MET: variants seen among roughly 807,000 people sequenced by gnomAD.
MET encodes MET proto-oncogene, receptor tyrosine kinase, also known as hepatocyte growth factor receptor.
MET carries 48 observed loss-of-function variants against 133.1 expected under a neutral mutation model. The ratio of observed to expected loss-of-function variants is 0.36; its 90% CI spans 0.29 to 0.46. The LOEUF (loss-of-function observed/expected upper bound fraction) is 0.46. Ranked by LOEUF, MET falls within the 20% of genes least tolerant of loss-of-function variation. The pLI, the probability that MET is intolerant of heterozygous loss-of-function variation, is 1.00. For synonymous variants in MET, 628 were observed against 616.5 expected (o/e 1.02, Z -0.28); for missense variants, 1,442 against 1,695.9 (o/e 0.85, Z 2.63).
At chr7:116,722,947 A>G (rs1288541247) in intron 2 of MET, among the ~76,000 whole-genome samples, 1 of 147,792 alleles carries the variant, frequency 6.8e-6, no homozygotes, top group Non-Finnish European at 1.5e-5. Context: ...GGTGAATCTG[A>G]CAATTATGTG....
At position 116,741,000 on chromosome 7, in the gene MET, A is replaced by G. The variant is rs45460604; in HGVS notation, c.1676A>G (p.Gln559Arg). The change falls in exon 5 of 21, where the codon CAG becomes CGG. Residue 559 changes from glutamine (Q) to arginine (R), a missense_variant. Gln to Arg is a conservative substitution (Grantham distance 43). This residue lies in a region of MET where 762 missense variants were observed against 792.4 expected (regional missense o/e 0.96). Coordinates refer to ENST00000397752, the MANE Select transcript of MET (RefSeq NM_000245.4). The part of the protein sequence containing the change: ...EECLSGTWTQ[Q>R]ICLPAIYKVF... ...TGCCTGAGCGGGACATGGACTCAAC[A>G]GATCTGTCTGCCTGCAATCTACAAG... 3.1e-6 allele frequency: 5 copies of G among 1,613,106 alleles called. No homozygotes were observed. The highest frequency in any genetic ancestry group is 3.4e-6 in the Non-Finnish European group (4 of 1,179,944).
chr7:116,682,465 G>A (rs1465840199), intron 1 of MET, among the ~76,000 whole-genome samples: 3 of 152,084 alleles, frequency 2.0e-5, no homozygotes, highest in Admixed American at 6.5e-5. Flanking sequence ...GTTATTCCTT[G>A]CAGAATTCAA....
At chr7:116,680,662 C>T (rs1283618504) in intron 1 of MET, among the ~76,000 whole-genome samples, 1 of 152,020 alleles carries the variant, frequency 6.6e-6, no homozygotes, top group Non-Finnish European at 1.5e-5. Flanking sequence ...GGTGTATAGG[C>T]CAGGCACAGT....
chr7:116,763,161 A>T lies in MET; in HGVS notation c.2476A>T (p.Ile826Phe). Residue 826 changes from isoleucine to phenylalanine, a missense_variant, in exon 11 of 21, where the codon ATC becomes TTC. By Grantham distance (21) the Ile-to-Phe change is conservative. Coordinates refer to ENST00000397752, the MANE Select transcript of MET (RefSeq NM_000245.4). ...KTKAFFMLDG[I>F]LSKYFDLIYV... ...CAAAGCCTTTTTCATGTTAGATGGGATCCTTTCCAAATACTTTGATCTCAT... is the reference window on the plus strand; with the variant it reads ...CAAAGCCTTTTTCATGTTAGATGGGTTCCTTTCCAAATACTTTGATCTCAT... 1 of 1,614,036 alleles carries T rather than the reference A, an allele frequency of 6.2e-7. No individual in the cohort carries two copies. The highest frequency in any genetic ancestry group is 2.2e-5 in the East Asian group (1 of 44,862).
At chr7:116,757,850 T>G (rs540681294) in intron 8 of MET, 76 bp downstream of exon 8, 3 of 1,501,384 alleles carry the variant, frequency 2.0e-6, no homozygotes, top group South Asian at 1.1e-5. Flanking sequence ...GCAGATTGTT[T>G]TGTGTGTGTG....
intron 3 of MET, among the ~76,000 whole-genome samples, chr7:116,737,357 A>G (rs1793256449): frequency 6.6e-6 from 1 of 152,218 alleles, no homozygotes; most frequent in Non-Finnish European, 1.5e-5. Flanking sequence ...TTACTGAAAC[A>G]CGGAGTAACT....
chr7:116,712,877 G>A (rs886080901), intron 2 of MET, among the ~76,000 whole-genome samples: 3 of 152,206 alleles, frequency 2.0e-5, no homozygotes, highest in African/African-American at 4.8e-5. Context: ...AGGAGAAAGA[G>A]GGAATACTTT....
intron 5 of MET, among the ~76,000 whole-genome samples, chr7:116,743,997 A>T (rs1793561491): frequency 6.6e-6 from 1 of 152,216 alleles, no homozygotes; most frequent in South Asian, 2.1e-4. Flanking sequence ...ATTAACATAA[A>T]CAAAAAGAAC....
At chr7:116,762,343 A>T (rs1210982553) in intron 10 of MET, among the ~76,000 whole-genome samples, 2 of 152,214 alleles carry the variant, frequency 1.3e-5, no homozygotes, top group African/African-American at 2.4e-5. Flanking sequence ...ATAAGTTTGC[A>T]AAGCTCAGTT....
chr7:116,679,965 T>G (rs915705016), intron 1 of MET, among the ~76,000 whole-genome samples: 40 of 152,206 alleles, frequency 2.6e-4, no homozygotes, highest in Admixed American at 2.5e-3. Flanking sequence ...GATACCATAT[T>G]GTGAATTTCT....
chr7:116,769,510 T>C, intron 11 of MET, 135 bp from the exon 12 acceptor site: 1 of 1,073,916 alleles, frequency 9.3e-7, no homozygotes, highest in Non-Finnish European at 1.4e-6. Context: ...CCCATGAAAA[T>C]TAGTATCATA....
At chr7:116,741,303 C>T (rs1793445364) in intron 5 of MET, among the ~76,000 whole-genome samples, 2 of 152,188 alleles carry the variant, frequency 1.3e-5, no homozygotes, top group African/African-American at 2.4e-5. Context: ...CGCTGGGCAG[C>T]TGCTCACCTT....
At chr7:116,769,898 G>T in intron 12 of MET, 107 bp downstream of exon 12, 1 of 1,489,932 alleles carries the variant, frequency 6.7e-7, no homozygotes, top group Admixed American at 1.8e-5. Context: ...GTGGGTTTTG[G>T]CTCATCAACT....
intron 2 of MET, among the ~76,000 whole-genome samples, chr7:116,710,795 T>C (rs1791969198): frequency 1.3e-5 from 2 of 152,184 alleles, no homozygotes; most frequent in South Asian, 2.1e-4. Flanking sequence ...GGTGATAAGA[T>C]AACAATCCAA....
chr7:116,735,291 C>A (rs138369472), intron 3 of MET, among the ~76,000 whole-genome samples: 1 of 152,310 alleles, frequency 6.6e-6, no homozygotes, highest in African/African-American at 2.4e-5. Context: ...TGCCTCTTAA[C>A]TGGACTAGTT....
rs201861645 is a variant in MET, at chr7:116,755,463, C to A, written c.1810C>A (p.Leu604Ile). The A allele has an allele frequency of 6.2e-7, 1 of 1,613,978 alleles. No individual in the cohort carries two copies. The highest frequency in any genetic ancestry group is 2.2e-5 in the East Asian group (1 of 44,878). Residue 604 changes from leucine (L) to isoleucine (I), a missense_variant, in exon 6 of 21, where the codon CTC (leucine) becomes ATC (isoleucine). By Grantham distance (5) the Leu-to-Ile change is conservative. Coordinates refer to ENST00000397752, the MANE Select transcript of MET (RefSeq NM_000245.4). The part of the protein sequence containing the change: ...NKFDLKKTRV[L>I]LGNESCTLTL... ...ATTTGATTTAAAGAAAACTAGAGTT[C>A]TCCTTGGAAATGAGAGCTGCACCTT... is the stretch of plus-strand genomic sequence containing the variant.
Position 116,754,897 on chromosome 7 carries a change from A to G in MET, c.1702-458A>G, listed in dbSNP as rs796872180. Among the ~76,000 whole-genome samples the G allele has an allele frequency of 1.7e-4, 6 of 34,994 alleles. No homozygotes were observed. The Admixed American group carries it at 1.9e-3, about 11-fold the overall frequency. The allele number at this position is 34,994 out of a possible 152,430, so 23.0% of individuals were successfully genotyped here. A position where few individuals can be genotyped will look rare whatever the true frequency, so the allele number is the denominator to read the frequency against. On this transcript the variant is annotated intron_variant, in intron 5 of 20. Transcript: ENST00000397752. ...AAAGAGAGAGAGAGAGAAAGAGAGA[A>G]AGAAAGAAAGAAAGAAAGAAAGAAA...
At position 116,788,017 on chromosome 7, in the gene MET, C is replaced by T. The variant is rs569352632; in HGVS notation, c.3798+4548C>T. Among the ~76,000 whole-genome samples the T allele has an allele frequency of 2.0e-5, 3 of 152,214 alleles. No individual in the cohort carries two copies. In the East Asian group the frequency reaches 5.8e-4, roughly 29 times the overall value. ...CATCAACATAAAGGAATTACTGATG[C>T]CTACTACAGCATGATAAACCTCAGA... On this transcript the variant is annotated intron_variant, in intron 19 of 20. Transcript: ENST00000397752.
intron 2 of MET, chr7:116,724,357 C>T (rs965978359): frequency 7.2e-6 from 2 of 276,700 alleles, no homozygotes; most frequent in East Asian, 8.6e-5. Context: ...CACTGACCTG[C>T]GCCCACTGTC....
Sources: gnomAD v4.1 joint callset for allele counts (sites outside exome capture counted in the v4.1 genomes callset) on GRCh38, gnomAD v4.1.1 for gene constraint, gnomAD v4.1.1 regional missense constraint, MANE v1.5 for transcripts, NCBI Gene and HGNC (gene_info 2026-07-23, HGNC 2026-07-21) for gene names.